Variants in NVL observed in about 807,000 individuals in gnomAD.
NVL encodes the protein nuclear valosin-containing protein-like.
A neutral mutation model predicts 110.2 loss-of-function variants in NVL; 84 were observed. The observed-to-expected ratio is 0.76, with a 90% CI of 0.64 to 0.91. The LOEUF (loss-of-function observed/expected upper bound fraction) is 0.91, where lower values mean the gene tolerates loss of function less well. Among genes scored for constraint, NVL ranks in the 40% least tolerant of loss-of-function variants. NVL has a pLI of 0.00. For missense variants in NVL, 882 were observed against 1,035.9 expected (o/e 0.85, Z 2.04); for synonymous variants, 354 against 361.1 (o/e 0.98, Z 0.22).
chr1:224,263,825 A>C (rs1421798571), intron 18 of NVL, among the ~76,000 whole-genome samples: 1 of 152,166 alleles, frequency 6.6e-6, no homozygotes, highest in Non-Finnish European at 1.5e-5. Flanking sequence ...AACATCAGAA[A>C]GATTACAAGG....
At chr1:224,259,921 C>CA (rs1338122033) in intron 18 of NVL, among the ~76,000 whole-genome samples, 1 of 151,802 alleles carries the variant, frequency 6.6e-6, no homozygotes, top group Non-Finnish European at 1.5e-5. Context: ...CTGCTCACCT[C>CA]AGCCTCCCAA....
At chr1:224,256,006 T>C (rs111318387) in intron 18 of NVL, among the ~76,000 whole-genome samples, 5,621 of 152,360 alleles carry the variant, frequency 0.037, 128 homozygotes, top group Non-Finnish European at 0.056. Flanking sequence ...GCCTTTGTGC[T>C]TTTTAAATAC....
intron 19 of NVL, among the ~76,000 whole-genome samples, chr1:224,241,419 G>T (rs905891361): frequency 6.6e-6 from 1 of 151,636 alleles, no homozygotes; most frequent in Non-Finnish European, 1.5e-5. Flanking sequence ...AAATTAATTT[G>T]GTTTTTCTTT....
chr1:224,248,290 C>T (rs1454481280), intron 19 of NVL, among the ~76,000 whole-genome samples: 1 of 152,156 alleles, frequency 6.6e-6, no homozygotes, highest in African/African-American at 2.4e-5. Context: ...TTGTTATTCC[C>T]GTGATAATGC....
chr1:224,284,738 A>G (rs1388415612), intron 15 of NVL, among the ~76,000 whole-genome samples: 3 of 152,178 alleles, frequency 2.0e-5, no homozygotes, highest in African/African-American at 7.2e-5. Context: ...ATTTTTACCT[A>G]TTAAATTGTC....
At chr1:224,277,758 A>T (rs1438140590) in intron 16 of NVL, among the ~76,000 whole-genome samples, 1 of 152,090 alleles carries the variant, frequency 6.6e-6, no homozygotes, top group Non-Finnish European at 1.5e-5. Flanking sequence ...TATTAAACAT[A>T]TTTTCCCTAA....
intron 18 of NVL, among the ~76,000 whole-genome samples, chr1:224,263,979 C>T (rs569400733): frequency 1.3e-5 from 2 of 152,146 alleles, no homozygotes; most frequent in East Asian, 3.8e-4. Flanking sequence ...CATGCCACTG[C>T]GCTCCAGTCT....
chr1:224,309,048 G>A (rs1038093236), intron 5 of NVL, among the ~76,000 whole-genome samples: 4 of 122,678 alleles, frequency 3.3e-5, no homozygotes, highest in African/African-American at 1.3e-4. Flanking sequence ...GTGACAGAGC[G>A]GGACTCTGTC....
intron 1 of NVL, among the ~76,000 whole-genome samples, chr1:224,327,127 C>G (rs946185857): frequency 5.3e-5 from 8 of 152,034 alleles, no homozygotes; most frequent in Non-Finnish European, 1.2e-4. Flanking sequence ...GATAACAGAA[C>G]GAGACCTTAT....
chr1:224,294,130 T>TA, intron 12 of NVL, 137 bp downstream of exon 12: 1 of 973,812 alleles, frequency 1.0e-6, no homozygotes, highest in Non-Finnish European at 1.5e-6. Context: ...GGGCTTCTCC[T>TA]TTTCCAAATC....
At chr1:224,258,921 A>G (rs1038286077) in intron 18 of NVL, among the ~76,000 whole-genome samples, 1 of 145,902 alleles carries the variant, frequency 6.9e-6, no homozygotes, top group Non-Finnish European at 1.5e-5. Flanking sequence ...GGCAGGGGGC[A>G]TGCTGCAGGC....
intron 18 of NVL, among the ~76,000 whole-genome samples, chr1:224,253,456 C>G (rs953286469): frequency 6.6e-6 from 1 of 150,942 alleles, no homozygotes; most frequent in Non-Finnish European, 1.5e-5. Context: ...AATTGCTGGC[C>G]GGGTGGAGTG....
intron 16 of NVL, among the ~76,000 whole-genome samples, chr1:224,276,387 A>C (rs1665759241): frequency 6.6e-6 from 1 of 151,906 alleles, no homozygotes; most frequent in Non-Finnish European, 1.5e-5. Flanking sequence ...CAGGCATACC[A>C]CCACTACCAC....
Position 224,227,532 on chromosome 1 carries a change from G to A in NVL, c.*94C>T, listed in dbSNP as rs1044718191. The A allele has an allele frequency of 1.1e-5, 12 of 1,061,344 alleles. No homozygotes were observed. Among genetic ancestry groups the A allele is most frequent in the Admixed American group, 2.3e-5 (1 of 43,720 alleles). The allele number at this position is 1,061,344 out of a possible 1,614,324, so 65.7% of individuals were successfully genotyped here. Reference sequence around the variant, plus strand: ...AAATAAAATGTTTACATGAGGCCGCGCCTGTGTCCAGCTGAAAGTGGGTCC... The same window carrying A: ...AAATAAAATGTTTACATGAGGCCGCACCTGTGTCCAGCTGAAAGTGGGTCC... On this transcript the variant is annotated 3_prime_UTR_variant, in exon 23 of 23. Coordinates refer to ENST00000281701, the MANE Select transcript of NVL (RefSeq NM_002533.4).
In NVL at chr1:224,274,414, A is replaced by G. The variant is rs141816475; in HGVS notation, c.2082+925T>C. ...CTTTTTGGGAGGCTGAGGCGGATAC[A>G]TCACCTGAGGTCAGGAGTTCAAGAC... On this transcript the variant is annotated intron_variant, in intron 17 of 22. Coordinates refer to ENST00000281701, the MANE Select transcript of NVL (RefSeq NM_002533.4). Among the ~76,000 whole-genome samples the G allele has an allele frequency of 3.0e-3, 461 of 152,036 alleles. 4 individuals are homozygous for G. The highest frequency in any genetic ancestry group is 0.011 in the African/African-American group (443 of 41,468).
At chr1:224,259,841 T>G (rs1294665530) in intron 18 of NVL, among the ~76,000 whole-genome samples, 1 of 150,180 alleles carries the variant, frequency 6.7e-6, no homozygotes. Flanking sequence ...TTTTTTTTTG[T>G]ATTTTTAGTA....
At chr1:224,250,711 G>A (rs1400170060) in intron 18 of NVL, among the ~76,000 whole-genome samples, 3 of 151,264 alleles carry the variant, frequency 2.0e-5, no homozygotes, top group Non-Finnish European at 3.0e-5. Flanking sequence ...TCCCTCAACC[G>A]CTCCCACTCT....
chr1:224,313,099 C>T (rs936699946), intron 4 of NVL: 22 of 375,972 alleles, frequency 5.9e-5, no homozygotes, highest in African/African-American at 3.5e-4. Flanking sequence ...GTCAAGACTG[C>T]GGTAAGCCAT....
chr1:224,283,789 A>C (rs1666603429), intron 15 of NVL, among the ~76,000 whole-genome samples: 1 of 152,196 alleles, frequency 6.6e-6, no homozygotes, highest in Non-Finnish European at 1.5e-5. Context: ...AACTATTGTG[A>C]AAAAATTGTA....
Sources: gnomAD v4.1 joint callset for allele counts (sites outside exome capture counted in the v4.1 genomes callset) on GRCh38, gnomAD v4.1.1 for gene constraint, MANE v1.5 for transcripts, NCBI Gene and HGNC (gene_info 2026-07-23, HGNC 2026-07-21) for gene names.